Variants in ACACA observed in about 807,000 individuals in gnomAD.
ACACA encodes the protein acetyl-CoA carboxylase alpha.
In ACACA, 103 loss-of-function variants were observed where a neutral mutation model predicts 296.1. The ratio of observed to expected loss-of-function variants is 0.35; its 90% CI spans 0.30 to 0.41. ACACA has a LOEUF of 0.41. ACACA is among the 10% of genes least tolerant of loss of function. The pLI is 1.00. For missense variants in ACACA, 1,554 were observed against 2,989.7 expected (o/e 0.52, Z 11.20); for synonymous variants, 953 against 1,038.6 (o/e 0.92, Z 1.58).
intron 1 of ACACA, among the ~76,000 whole-genome samples, chr17:37,373,115 G>A (rs1038039819): frequency 2.0e-5 from 3 of 151,900 alleles, no homozygotes; most frequent in South Asian, 4.1e-4. Flanking sequence ...TCCTGACCTC[G>A]TGATCCACCT....
chr17:37,119,895 CT>C (rs36029062), intron 50 of ACACA, among the ~76,000 whole-genome samples: 118 of 134,384 alleles, frequency 8.8e-4, no homozygotes, highest in Middle Eastern at 3.8e-3. Flanking sequence ...TTCTTTCTTT[CT>C]TTTTTTTTTT....
chr17:37,193,094 T>C (rs556003584), intron 36 of ACACA, among the ~76,000 whole-genome samples: 4 of 152,244 alleles, frequency 2.6e-5, no homozygotes, highest in Admixed American at 6.5e-5. Flanking sequence ...ACAAGAATGG[T>C]CCTTTAATAT....
chr17:37,158,233 A>C (rs2076328236), intron 42 of ACACA, among the ~76,000 whole-genome samples: 1 of 152,190 alleles, frequency 6.6e-6, no homozygotes, highest in Non-Finnish European at 1.5e-5. Context: ...ATTTAGGCAG[A>C]TGTAAGTAGA....
At chr17:37,202,396 C>T (rs2078287579) in intron 33 of ACACA, among the ~76,000 whole-genome samples, 2 of 152,000 alleles carry the variant, frequency 1.3e-5, no homozygotes, top group South Asian at 4.2e-4. Context: ...GCATCAGCAC[C>T]TGGAGAAACT....
chr17:37,247,552 A>C (rs2080773966), intron 18 of ACACA, among the ~76,000 whole-genome samples: 1 of 152,124 alleles, frequency 6.6e-6, no homozygotes, highest in Admixed American at 6.5e-5. Context: ...TTTTTAGTAG[A>C]GACAGGGTTT....
At chr17:37,289,603 C>T (rs1366752000) in intron 3 of ACACA, 7 of 825,186 alleles carry the variant, frequency 8.5e-6, no homozygotes, top group Non-Finnish European at 1.3e-5. Context: ...TTCCATTACC[C>T]CATATACATT....
chr17:37,319,375 G>A (rs1234796704), intron 3 of ACACA, among the ~76,000 whole-genome samples: 1 of 152,004 alleles, frequency 6.6e-6, no homozygotes, highest in Non-Finnish European at 1.5e-5. Context: ...CCTCATTTTA[G>A]TAAAAAAATA....
intron 50 of ACACA, among the ~76,000 whole-genome samples, chr17:37,116,826 C>G (rs1165156351): frequency 6.6e-6 from 1 of 152,188 alleles, no homozygotes; most frequent in Non-Finnish European, 1.5e-5. Context: ...AAAGCACAGC[C>G]AATAGCAGCA....
chr17:37,228,371 T>C (rs887184942), intron 25 of ACACA, among the ~76,000 whole-genome samples: 1 of 152,054 alleles, frequency 6.6e-6, no homozygotes, highest in Admixed American at 6.6e-5. Flanking sequence ...ACCCAGATAA[T>C]TCACTCATCT....
rs530177189 is a variant in ACACA, at chr17:37,118,888, G to A, written c.6274+2467C>T. ...GTTGTTGTTCTTACTGTTACAGCGC[G>A]GCAGCCAATCTGGGCCTGAGCCAAA... On this transcript the variant is annotated intron_variant, in intron 50 of 55. Transcript: ENST00000616317. Among the ~76,000 whole-genome samples the A allele has an allele frequency of 5.3e-5, 8 of 152,260 alleles. 1 individual carries two copies. The highest frequency in any genetic ancestry group is 4.2e-4 in the South Asian group (2 of 4,814).
intron 25 of ACACA, among the ~76,000 whole-genome samples, chr17:37,228,354 C>T (rs2079655806): frequency 1.3e-5 from 2 of 151,758 alleles, no homozygotes; most frequent in South Asian, 4.2e-4. Flanking sequence ...CTGTTTTCAC[C>T]CATTTCACCC....
rs763294972 is a variant in ACACA, at chr17:37,248,192, T to C, written c.2164-36A>G. Reference sequence around the variant, plus strand: ...TGAGAATGAGGATCAGTGTGTCCCTTCCAGGTACAGCTCCAAATGAAATTT... The same window carrying C: ...TGAGAATGAGGATCAGTGTGTCCCTCCCAGGTACAGCTCCAAATGAAATTT... On this transcript the variant is annotated intron_variant, in intron 17 of 55. Coordinates refer to ENST00000616317, the MANE Select transcript of ACACA (RefSeq NM_198834.3). The C allele has an allele frequency of 3.1e-6, 5 of 1,612,148 alleles. No individual in the cohort carries two copies. In the South Asian group the frequency reaches 5.5e-5, roughly 18 times the overall value.
intron 3 of ACACA, among the ~76,000 whole-genome samples, chr17:37,304,708 T>C (rs2083787204): frequency 6.6e-6 from 1 of 151,682 alleles, no homozygotes; most frequent in Admixed American, 6.6e-5. Context: ...GAGAATTGCT[T>C]GAACCCGGGA....
intron 45 of ACACA, 100 bp from the exon 46 acceptor site, chr17:37,130,318 C>A: frequency 7.1e-7 from 1 of 1,412,262 alleles, no homozygotes. Context: ...CTCCACAAAA[C>A]AGAGATTTCA....
intron 10 of ACACA, among the ~76,000 whole-genome samples, chr17:37,267,521 A>G (rs534161062): frequency 6.6e-6 from 1 of 152,230 alleles, no homozygotes; most frequent in African/African-American, 2.4e-5. Flanking sequence ...GTCTTTCTTC[A>G]TGCTTCAGTC....
intron 32 of ACACA, 78 bp downstream of exon 32, chr17:37,206,705 C>T: frequency 8.1e-7 from 1 of 1,228,490 alleles, no homozygotes; most frequent in Non-Finnish European, 1.2e-6. Flanking sequence ...TATAATAGTT[C>T]AAAGTCAGAA....
intron 43 of ACACA, among the ~76,000 whole-genome samples, chr17:37,154,860 G>C (rs982494897): frequency 1.3e-5 from 2 of 152,118 alleles, no homozygotes; most frequent in Non-Finnish European, 2.9e-5. Context: ...ACTTCACTGG[G>C]AGTCAAAAAT....
intron 2 of ACACA, among the ~76,000 whole-genome samples, chr17:37,331,888 G>A (rs1384982427): frequency 6.6e-6 from 1 of 150,862 alleles, no homozygotes; most frequent in Admixed American, 6.6e-5. Context: ...CTCCAGATAG[G>A]TAATTTTTAA....
intron 50 of ACACA, among the ~76,000 whole-genome samples, chr17:37,119,895 C>CTTTTTT (rs36029062): frequency 1.5e-5 from 2 of 134,420 alleles, no homozygotes; most frequent in Admixed American, 7.6e-5. Flanking sequence ...TTCTTTCTTT[C>CTTTTTT]TTTTTTTTTT....
Sources: gnomAD v4.1 joint callset for allele counts (sites outside exome capture counted in the v4.1 genomes callset) on GRCh38, gnomAD v4.1.1 for gene constraint, MANE v1.5 for transcripts, NCBI Gene and HGNC (gene_info 2026-07-23, HGNC 2026-07-21) for gene names.